The following FGF14 variants were observed in gnomAD, a reference collection of about 807,000 sequenced individuals.
FGF14 encodes the protein fibroblast growth factor 14, also known as fibroblast growth factor homologous factor 4.
In FGF14, 5 loss-of-function variants were observed where a neutral mutation model predicts 25.5. That is an observed-to-expected ratio of 0.20 (90% CI 0.10 to 0.41). The LOEUF (loss-of-function observed/expected upper bound fraction) is 0.41, where lower values mean the gene tolerates loss of function less well. Ranked by LOEUF, FGF14 falls within the 10% of genes least tolerant of loss-of-function variation. The probability of loss-of-function intolerance (pLI) is 1.00; values close to 1 mark genes in which losing one functional copy is unlikely to be tolerated. For synonymous variants in FGF14, 138 were observed against 118.3 expected, an observed-to-expected ratio of 1.17 and a Z score of -1.08; for missense variants, 222 against 320.1, an observed-to-expected ratio of 0.69 and a Z score of 2.34.
intron 1 of FGF14, among the ~76,000 whole-genome samples, chr13:102,353,871 A>G (rs1416695027): frequency 6.6e-6 from 1 of 152,188 alleles, no homozygotes; most frequent in Non-Finnish European, 1.5e-5. Flanking sequence ...TTTGATAGCT[A>G]TGGGAAGCCT....
At position 102,220,361 on chromosome 13, in the gene FGF14, C is replaced by T. The variant is rs115967962; in HGVS notation, c.208+181110G>A. Among the ~76,000 whole-genome samples, 1,511 of 151,856 alleles carry T rather than the reference C, an allele frequency of 1.0e-2. 31 individuals are homozygous for T. The highest frequency in any genetic ancestry group is 0.033 in the African/African-American group (1,381 of 41,426). On this transcript the variant is annotated intron_variant, in intron 1 of 4. Transcript: ENST00000376131. The stretch of plus-strand genomic sequence containing the variant: ...AAAGAAAAAATTTCTAAATAAGTCT[C>T]ACTTCTAGTCATCAACATGATAAAC...
intron 3 of FGF14, among the ~76,000 whole-genome samples, chr13:101,795,560 C>A (rs1037020631): frequency 6.6e-6 from 1 of 152,036 alleles, no homozygotes; most frequent in African/African-American, 2.4e-5. Context: ...AGTAAGGCAA[C>A]ACATACTTTC....
At chr13:102,326,029 T>A (rs1436121906) in intron 1 of FGF14, among the ~76,000 whole-genome samples, 1 of 152,012 alleles carries the variant, frequency 6.6e-6, no homozygotes, top group African/African-American at 2.4e-5. Flanking sequence ...TCTTTAAGAG[T>A]AAAGGAAAAC....
At chr13:102,253,138 A>G (rs1428154543) in intron 1 of FGF14, among the ~76,000 whole-genome samples, 1 of 152,180 alleles carries the variant, frequency 6.6e-6, no homozygotes, top group East Asian at 1.9e-4. Flanking sequence ...ATACGTGTGC[A>G]TGTAACTTTA....
intron 1 of FGF14, among the ~76,000 whole-genome samples, chr13:102,347,128 T>C (rs1417712537): frequency 6.6e-6 from 1 of 152,084 alleles, no homozygotes; most frequent in African/African-American, 2.4e-5. Flanking sequence ...CCAGTTAAAA[T>C]GGCAAAGTTC....
At chr13:102,156,710 G>A (rs1189435891) in intron 1 of FGF14, among the ~76,000 whole-genome samples, 3 of 152,120 alleles carry the variant, frequency 2.0e-5, no homozygotes, top group African/African-American at 7.2e-5. Context: ...AGGAAAAGAG[G>A]AAGTCAAATT....
At position 101,890,922 on chromosome 13, in the gene FGF14, A is replaced by G. The variant is rs542367872; in HGVS notation, c.194-15626T>C. On this transcript the variant is annotated intron_variant, in intron 1 of 4. Coordinates refer to ENST00000376143, the MANE Select transcript of FGF14 (RefSeq NM_004115.4). The stretch of plus-strand genomic sequence containing the variant: ...TGGATAAGGTGCCTTACCTTTCAAG[A>G]GCCTTTTTTTTTTCTTATTGATAAG... Among the ~76,000 whole-genome samples the G allele has an allele frequency of 9.4e-4, 141 of 150,608 alleles. 1 individual carries two copies. Among genetic ancestry groups the G allele is most frequent in the African/African-American group, 3.2e-3 (130 of 41,044 alleles).
At chr13:102,060,758 A>G (rs990132461) in intron 1 of FGF14, among the ~76,000 whole-genome samples, 1 of 152,084 alleles carries the variant, frequency 6.6e-6, no homozygotes, top group African/African-American at 2.4e-5. Context: ...CGAGGGCTCC[A>G]CCCTCGGGCC....
chr13:102,178,366 T>C (rs1282276740), intron 1 of FGF14, among the ~76,000 whole-genome samples: 1 of 152,154 alleles, frequency 6.6e-6, no homozygotes, highest in East Asian at 1.9e-4. Flanking sequence ...ATCTCTAATA[T>C]AACTCTTGAA....
intron 3 of FGF14, among the ~76,000 whole-genome samples, chr13:101,835,032 A>G (rs2042854181): frequency 6.6e-6 from 1 of 152,104 alleles, no homozygotes; most frequent in East Asian, 1.9e-4. Flanking sequence ...GAAATAAGAG[A>G]AAGAATTTGT....
At chr13:102,093,596 A>AT (rs200450613) in intron 1 of FGF14, among the ~76,000 whole-genome samples, 2 of 152,126 alleles carry the variant, frequency 1.3e-5, no homozygotes, top group African/African-American at 2.4e-5. Context: ...TTTCTGGTGT[A>AT]TTTTTTTAAA....
At chr13:102,035,189 A>G (rs904500013) in intron 1 of FGF14, among the ~76,000 whole-genome samples, 2 of 152,126 alleles carry the variant, frequency 1.3e-5, no homozygotes, top group African/African-American at 2.4e-5. Flanking sequence ...AACAAAATTC[A>G]TATCAGAAAT....
chr13:101,887,549 G>A (rs757773193), intron 1 of FGF14, among the ~76,000 whole-genome samples: 1 of 151,974 alleles, frequency 6.6e-6, no homozygotes, highest in Non-Finnish European at 1.5e-5. Context: ...TTGATCTCAC[G>A]GAGATAGCAG....
intron 1 of FGF14, among the ~76,000 whole-genome samples, chr13:102,056,687 G>T (rs982481650): frequency 6.6e-6 from 1 of 151,296 alleles, no homozygotes; most frequent in Non-Finnish European, 1.5e-5. Flanking sequence ...ATATGAATAG[G>T]TCTAGAAAGA....
intron 1 of FGF14, among the ~76,000 whole-genome samples, chr13:102,175,956 T>A (rs1028799875): frequency 4.6e-5 from 7 of 152,104 alleles, no homozygotes; most frequent in African/African-American, 1.7e-4. Flanking sequence ...GAAATGCTTA[T>A]ACATTGTCGG....
chr13:101,806,380 C>T (rs1023140185), intron 3 of FGF14, among the ~76,000 whole-genome samples: 1 of 149,460 alleles, frequency 6.7e-6, no homozygotes, highest in Non-Finnish European at 1.5e-5. Flanking sequence ...GATTGTGTCA[C>T]TCCACACCAG....
chr13:102,237,071 A>G (rs2051361844), intron 1 of FGF14, among the ~76,000 whole-genome samples: 2 of 152,156 alleles, frequency 1.3e-5, no homozygotes, highest in African/African-American at 4.8e-5. Flanking sequence ...GGCCTAGAGG[A>G]GGCTGCCAGG....
chr13:102,146,148 T>A (rs490785), intron 1 of FGF14, among the ~76,000 whole-genome samples: 1 of 152,146 alleles, frequency 6.6e-6, no homozygotes, highest in African/African-American at 2.4e-5. Context: ...TGACTATCAG[T>A]GTCAGTTGGG....
intron 1 of FGF14, among the ~76,000 whole-genome samples, chr13:102,159,389 G>A (rs1443903811): frequency 1.3e-5 from 2 of 152,162 alleles, no homozygotes; most frequent in East Asian, 3.9e-4. Context: ...AGATGGGATA[G>A]CAAACACGGC....
Sources: gnomAD v4.1 joint callset for allele counts (sites outside exome capture counted in the v4.1 genomes callset) on GRCh38, gnomAD v4.1.1 for gene constraint, MANE v1.5 for transcripts, NCBI Gene and HGNC (gene_info 2026-07-23, HGNC 2026-07-21) for gene names.